Variants in TRIQK observed in about 807,000 individuals in gnomAD.
TRIQK encodes triple QxxK/R motif-containing protein.
In TRIQK, 10 loss-of-function variants were observed where a neutral mutation model predicts 10.8. The observed-to-expected ratio is 0.92, with a 90% CI of 0.57 to 1.57. The LOEUF is 1.57. TRIQK is among the 40% of genes most tolerant of loss of function. The pLI, the probability that TRIQK is intolerant of heterozygous loss-of-function variation, is 0.00. For missense variants in TRIQK, 107 were observed against 97.7 expected, an observed-to-expected ratio of 1.09 and a Z score of -0.40; for synonymous variants, 33 against 33.7, an observed-to-expected ratio of 0.98 and a Z score of 0.07.
intron 1 of TRIQK, among the ~76,000 whole-genome samples, chr8:92,955,289 G>C (rs1812112223): frequency 6.6e-6 from 1 of 151,652 alleles, no homozygotes; most frequent in Non-Finnish European, 1.5e-5. Context: ...ATTAAAAATA[G>C]CAATTTTGGG....
intron 3 of TRIQK, among the ~76,000 whole-genome samples, chr8:92,899,480 C>T (rs1337211002): frequency 1.3e-5 from 2 of 152,084 alleles, no homozygotes; most frequent in Non-Finnish European, 2.9e-5. Context: ...TTAGCTCCCA[C>T]AAATAAGTGA....
chr8:92,910,241 AT>A (rs1809501285), intron 3 of TRIQK, among the ~76,000 whole-genome samples: 1 of 151,470 alleles, frequency 6.6e-6, no homozygotes, highest in Non-Finnish European at 1.5e-5. Flanking sequence ...AAGTAATCAC[AT>A]TTAGAAGTTT....
At chr8:92,988,296 G>A (rs1021971654) in intron 1 of TRIQK, among the ~76,000 whole-genome samples, 2 of 151,996 alleles carry the variant, frequency 1.3e-5, no homozygotes, top group African/African-American at 2.4e-5. Flanking sequence ...GATTACAGGC[G>A]TGAGCCACTG....
At chr8:92,927,817 A>G (rs1201590071) in intron 2 of TRIQK, 14 of 152,186 alleles carry the variant, frequency 9.2e-5, no homozygotes, top group Admixed American at 9.2e-4. Context: ...AATGGAATGA[A>G]TCACTAAGGA....
At chr8:93,012,206 A>G (rs534685443) in intron 1 of TRIQK, among the ~76,000 whole-genome samples, 1 of 152,290 alleles carries the variant, frequency 6.6e-6, no homozygotes, top group South Asian at 2.1e-4. Context: ...TCAGGCAGAA[A>G]CTTTGTTGAA....
intron 1 of TRIQK, among the ~76,000 whole-genome samples, chr8:92,994,917 T>C (rs1029550305): frequency 1.7e-4 from 23 of 139,310 alleles, no homozygotes; most frequent in South Asian, 4.4e-4. Context: ...TTACAATATG[T>C]TCCTTCTCTT....
At chr8:92,958,879 A>T (rs1049207300) in intron 1 of TRIQK, among the ~76,000 whole-genome samples, 2 of 152,084 alleles carry the variant, frequency 1.3e-5, no homozygotes, top group Non-Finnish European at 2.9e-5. Flanking sequence ...AGGCAATGAA[A>T]GTGCCTCATG....
At chr8:92,981,595 A>G (rs552869832) in intron 1 of TRIQK, among the ~76,000 whole-genome samples, 1 of 151,970 alleles carries the variant, frequency 6.6e-6, no homozygotes, top group South Asian at 2.1e-4. Flanking sequence ...TAAAATTCCT[A>G]TGTTATATTA....
At chr8:92,958,275 G>A (rs1254088098) in intron 1 of TRIQK, among the ~76,000 whole-genome samples, 1 of 151,784 alleles carries the variant, frequency 6.6e-6, no homozygotes. Flanking sequence ...CTCAGCCCTA[G>A]CCTTGTCTAA....
At chr8:92,909,249 C>G (rs947984884) in intron 3 of TRIQK, among the ~76,000 whole-genome samples, 5 of 151,758 alleles carry the variant, frequency 3.3e-5, no homozygotes, top group African/African-American at 9.7e-5. Context: ...AAAACATTAA[C>G]CAATCAAATT....
intron 4 of TRIQK, among the ~76,000 whole-genome samples, chr8:92,889,533 G>A (rs1277647248): frequency 6.6e-6 from 1 of 151,524 alleles, no homozygotes; most frequent in Non-Finnish European, 1.5e-5. Flanking sequence ...AGAACATTTT[G>A]TAATATATAA....
chr8:92,887,987 G>A (rs1026602742), intron 4 of TRIQK, among the ~76,000 whole-genome samples: 1 of 151,662 alleles, frequency 6.6e-6, no homozygotes, highest in African/African-American at 2.4e-5. Context: ...AAAGGAAAGT[G>A]AATTTTTTCT....
intron 2 of TRIQK, among the ~76,000 whole-genome samples, chr8:92,921,949 T>G (rs1258414296): frequency 6.6e-6 from 1 of 151,834 alleles, no homozygotes; most frequent in African/African-American, 2.4e-5. Context: ...ATCTCCAACT[T>G]AATAATTTTT....
At chr8:92,993,280 C>G (rs1813116647) in intron 1 of TRIQK, among the ~76,000 whole-genome samples, 1 of 152,156 alleles carries the variant, frequency 6.6e-6, no homozygotes, top group South Asian at 2.1e-4. Flanking sequence ...GAATCTCAGA[C>G]TTATCCCCAT....
intron 2 of TRIQK, 96 bp from the exon 3 acceptor site, chr8:92,917,106 TGG>T: frequency 3.4e-6 from 2 of 589,774 alleles, no homozygotes; most frequent in Non-Finnish European, 5.2e-6. Flanking sequence ...TTTAAAGCAA[TGG>T]GTACAAATAC....
chr8:92,924,532 G>A (rs1161081031), intron 2 of TRIQK, among the ~76,000 whole-genome samples: 6 of 151,658 alleles, frequency 4.0e-5, no homozygotes, highest in Non-Finnish European at 2.9e-5. Context: ...CCTATATATT[G>A]TAATATTGCA....
intron 1 of TRIQK, among the ~76,000 whole-genome samples, chr8:92,957,082 T>G (rs530134203): frequency 8.1e-4 from 123 of 151,904 alleles, no homozygotes; most frequent in African/African-American, 2.8e-3. Flanking sequence ...ACAGGGAAAG[T>G]AGCAGAGATT....
intron 2 of TRIQK, among the ~76,000 whole-genome samples, chr8:92,923,870 T>C (rs1283486409): frequency 1.3e-5 from 2 of 151,930 alleles, no homozygotes; most frequent in African/African-American, 4.8e-5. Flanking sequence ...ATTTTATTGC[T>C]CATTTATACC....
chr8:92,946,014 G>C (rs1216840883), intron 2 of TRIQK, among the ~76,000 whole-genome samples: 1 of 151,940 alleles, frequency 6.6e-6, no homozygotes, highest in Non-Finnish European at 1.5e-5. Context: ...AAATTAGAAA[G>C]TGGTCTATTT....
Sources: allele counts gnomAD v4.1 joint callset (sites outside exome capture counted in the v4.1 genomes callset), GRCh38; gene constraint gnomAD v4.1.1; transcripts MANE v1.5; gene names NCBI Gene and HGNC (gene_info 2026-07-23, HGNC 2026-07-21).